EYS: variants seen among roughly 807,000 people sequenced by gnomAD.
The protein encoded by EYS is EGF-like photoreceptor maintenance factor, also known as protein eyes shut homolog.
EYS carries 250 observed loss-of-function variants against 282.1 expected under a neutral mutation model. The ratio of observed to expected loss-of-function variants is 0.89; its 90% CI spans 0.80 to 0.98. EYS has a LOEUF of 0.98. EYS is among the 50% of genes least tolerant of loss of function. The pLI, the probability that EYS is intolerant of heterozygous loss-of-function variation, is 0.00. For synonymous variants in EYS, 1,355 were observed against 1,282.9 expected, an observed-to-expected ratio of 1.06 and a Z score of -1.20; for missense variants, 4,016 against 3,709.0, an observed-to-expected ratio of 1.08 and a Z score of -2.15.
At chr6:64,112,364 G>A (rs1215832542) in intron 31 of EYS, among the ~76,000 whole-genome samples, 1 of 151,916 alleles carries the variant, frequency 6.6e-6, no homozygotes, top group Non-Finnish European at 1.5e-5. Flanking sequence ...GCGACTGGGT[G>A]GTGGACGTTC....
At chr6:64,203,912 T>C (rs905884100) in intron 31 of EYS, among the ~76,000 whole-genome samples, 1 of 152,214 alleles carries the variant, frequency 6.6e-6, no homozygotes, top group East Asian at 1.9e-4. Flanking sequence ...CAACAAATTC[T>C]ATATTGAAGC....
chr6:65,291,322 A>G (rs112160895), intron 12 of EYS, among the ~76,000 whole-genome samples: 1,561 of 151,638 alleles, frequency 0.01, 30 homozygotes, highest in African/African-American at 0.036. Flanking sequence ...GTGTAAACCA[A>G]ATGGTCCTCC....
intron 1 of EYS, among the ~76,000 whole-genome samples, chr6:65,677,023 A>T (rs1043704608): frequency 6.6e-6 from 1 of 151,260 alleles, no homozygotes; most frequent in African/African-American, 2.4e-5. Flanking sequence ...AAAAAAATTA[A>T]AAAAACTAGA....
chr6:63,899,498 T>C (rs2149730280), intron 35 of EYS, among the ~76,000 whole-genome samples: 2 of 152,288 alleles, frequency 1.3e-5, no homozygotes, highest in Middle Eastern at 3.4e-3. Flanking sequence ...ACTTTCTTTT[T>C]CACAACTCCT....
intron 36 of EYS, among the ~76,000 whole-genome samples, chr6:63,839,441 ATTTTCT>A (rs1351271796): frequency 2.6e-5 from 4 of 152,012 alleles, no homozygotes; most frequent in African/African-American, 9.7e-5. Context: ...TATGTATGAC[ATTTTCT>A]TTATCCATTC....
intron 12 of EYS, among the ~76,000 whole-genome samples, chr6:65,060,118 C>A (rs1295378805): frequency 1.3e-5 from 2 of 151,978 alleles, no homozygotes; most frequent in Admixed American, 6.6e-5. Context: ...TTTCTTTCCA[C>A]CCCTCATCCG....
chr6:65,302,152 A>G (rs1245738851), intron 11 of EYS, among the ~76,000 whole-genome samples: 1 of 152,204 alleles, frequency 6.6e-6, no homozygotes, highest in African/African-American at 2.4e-5. Flanking sequence ...CCAGTCTGAC[A>G]AAGGTTATTT....
chr6:64,565,527 T>C (rs9444988), intron 26 of EYS, among the ~76,000 whole-genome samples: 4 of 152,122 alleles, frequency 2.6e-5, no homozygotes, highest in Admixed American at 2.6e-4. Flanking sequence ...CAAAACCATA[T>C]GATTTCACTT....
At chr6:65,646,987 C>T (rs543603457) in intron 1 of EYS, among the ~76,000 whole-genome samples, 10 of 152,104 alleles carry the variant, frequency 6.6e-5, no homozygotes, top group African/African-American at 2.4e-4. Context: ...AGGAAAACTA[C>T]AAAACACTAC....
chr6:64,716,787 C>T (rs1228574927), intron 22 of EYS, among the ~76,000 whole-genome samples: 1 of 152,024 alleles, frequency 6.6e-6, no homozygotes, highest in Non-Finnish European at 1.5e-5. Context: ...TTTTGAAAAA[C>T]TCCAAAGGCT....
In EYS at chr6:65,516,905, C is replaced by G. The variant is rs575650475; in HGVS notation, c.-332-20912G>C. ...CCTAGTCAGAGAATACAATCTCTTACTGGGAACAAAAGAGTTTCAAGTTAA... is the reference window on the plus strand; with the variant it reads ...CCTAGTCAGAGAATACAATCTCTTAGTGGGAACAAAAGAGTTTCAAGTTAA... On this transcript the variant is annotated intron_variant, in intron 2 of 42. Transcript: ENST00000503581. 3.9e-5 allele frequency among the ~76,000 whole-genome samples: 6 copies of G among 152,120 alleles called. No individual in the cohort carries two copies. In the East Asian group the frequency reaches 5.8e-4, roughly 15 times the overall value.
At chr6:63,849,520 AC>A (rs1772186340) in intron 36 of EYS, among the ~76,000 whole-genome samples, 1 of 152,164 alleles carries the variant, frequency 6.6e-6, no homozygotes, top group South Asian at 2.1e-4. Context: ...CACTGGTGAT[AC>A]CCATGCAAAC....
At chr6:64,742,914 CG>C (rs1205505851) in intron 22 of EYS, among the ~76,000 whole-genome samples, 3 of 151,956 alleles carry the variant, frequency 2.0e-5, no homozygotes, top group Non-Finnish European at 4.4e-5. Context: ...ACAAAATCAC[CG>C]GTGATAAAGG....
intron 31 of EYS, among the ~76,000 whole-genome samples, chr6:64,180,363 G>A (rs181257412): frequency 6.6e-6 from 1 of 152,082 alleles, no homozygotes. Flanking sequence ...TTCACAAATG[G>A]TCATAGTTCT....
intron 18 of EYS, among the ~76,000 whole-genome samples, chr6:64,888,027 A>G (rs1341927312): frequency 1.3e-5 from 2 of 152,102 alleles, no homozygotes; most frequent in Non-Finnish European, 2.9e-5. Context: ...ATGTTGTTAC[A>G]AATAACAGGA....
At chr6:65,521,225 C>T (rs1422401838) in intron 2 of EYS, among the ~76,000 whole-genome samples, 2 of 152,066 alleles carry the variant, frequency 1.3e-5, no homozygotes, top group South Asian at 2.1e-4. Flanking sequence ...AACATATATA[C>T]GTGTTGTATC....
At chr6:63,869,404 CA>C (rs34628353) in intron 35 of EYS, among the ~76,000 whole-genome samples, 91,425 of 151,738 alleles carry the variant, frequency 0.6, 28,540 homozygotes, top group East Asian at 0.71. Context: ...GTTCACTTTA[CA>C]AAAAAATAAA....
At chr6:65,330,883 AG>A (rs1299173340) in intron 11 of EYS, 2 of 961,334 alleles carry the variant, frequency 2.1e-6, no homozygotes, top group Non-Finnish European at 2.5e-6. Context: ...GTTTCATTTA[AG>A]GTCTTATTAT....
rs537838208 is a variant in EYS, at chr6:63,926,031, C to T, written c.7055+58352G>A. ...GGGCCCACCCCCCGATGTTCCCTTC[C>T]TTGTGTCCATGTGTTCTCGTCGTTC... On this transcript the variant is annotated intron_variant, in intron 35 of 42. Transcript: ENST00000503581. Among the ~76,000 whole-genome samples the T allele has an allele frequency of 2.6e-5, 4 of 152,272 alleles. No homozygotes were observed. The East Asian group carries it at 7.7e-4, about 29-fold the overall frequency.
Sources: allele counts gnomAD v4.1 joint callset (sites outside exome capture counted in the v4.1 genomes callset), GRCh38; gene constraint gnomAD v4.1.1; transcripts MANE v1.5; gene names NCBI Gene and HGNC (gene_info 2026-07-23, HGNC 2026-07-21).